The following ARHGAP15 variants were observed in gnomAD, a reference collection of about 807,000 sequenced individuals.
ARHGAP15 encodes rho GTPase-activating protein 15.
Under a neutral mutation model 63.7 loss-of-function variants are expected in ARHGAP15, and 51 were observed. That is an observed-to-expected ratio of 0.80 (90% CI 0.64 to 1.01). The LOEUF (loss-of-function observed/expected upper bound fraction) is 1.01, where lower values mean the gene tolerates loss of function less well. ARHGAP15 is among the 50% of genes least tolerant of loss of function. ARHGAP15 has a pLI of 0.00. For synonymous variants in ARHGAP15, 191 were observed against 193.8 expected (o/e 0.99, Z 0.12); for missense variants, 560 against 564.6 (o/e 0.99, Z 0.08).
chr2:143,408,308 TC>T (rs1214248770), intron 6 of ARHGAP15, among the ~76,000 whole-genome samples: 2 of 150,522 alleles, frequency 1.3e-5, no homozygotes, highest in Non-Finnish European at 3.0e-5. Context: ...TCTATAAAAA[TC>T]TATAAAATTT....
At chr2:143,315,392 A>G (rs1011051506) in intron 6 of ARHGAP15, among the ~76,000 whole-genome samples, 1 of 152,186 alleles carries the variant, frequency 6.6e-6, no homozygotes, top group Non-Finnish European at 1.5e-5. Context: ...TTAATTTGTC[A>G]TCTTAGAATC....
At chr2:143,160,819 A>G (rs141454338) in intron 2 of ARHGAP15, among the ~76,000 whole-genome samples, 130 of 152,022 alleles carry the variant, frequency 8.6e-4, no homozygotes, top group Middle Eastern at 3.4e-3. Context: ...TCTATTTACC[A>G]AGCACAAATT....
At chr2:143,552,130 A>G (rs967793885) in intron 10 of ARHGAP15, among the ~76,000 whole-genome samples, 2 of 152,246 alleles carry the variant, frequency 1.3e-5, no homozygotes, top group Non-Finnish European at 2.9e-5. Flanking sequence ...CCTAGGAATT[A>G]GGAAGTGCCA....
chr2:143,727,824 T>C (rs1282549145), intron 13 of ARHGAP15, among the ~76,000 whole-genome samples: 3 of 152,220 alleles, frequency 2.0e-5, no homozygotes, highest in Non-Finnish European at 2.9e-5. Flanking sequence ...TTCAAATGCC[T>C]ATGGAGCCTA....
chr2:143,363,906 A>C (rs771738696), intron 6 of ARHGAP15, among the ~76,000 whole-genome samples: 7 of 152,210 alleles, frequency 4.6e-5, no homozygotes, highest in African/African-American at 1.4e-4. Flanking sequence ...TAGCAATTGC[A>C]TGGGAAATCA....
At position 143,355,531 on chromosome 2, in the gene ARHGAP15, T is replaced by C. The variant is rs759154258; in HGVS notation, c.475-80070T>C. Reference sequence around the variant, plus strand: ...CAAATCACTACAGCTAGTAATCTTGTCCATGATATTACCAATCAGTTAATT... The same window carrying C: ...CAAATCACTACAGCTAGTAATCTTGCCCATGATATTACCAATCAGTTAATT... On this transcript the variant is annotated intron_variant, in intron 6 of 13. Coordinates refer to ENST00000295095, the MANE Select transcript of ARHGAP15 (RefSeq NM_018460.4). Among the ~76,000 whole-genome samples the C allele has an allele frequency of 2.6e-5, 4 of 152,340 alleles. No individual in the cohort carries two copies. The East Asian group carries it at 7.7e-4, about 29-fold the overall frequency.
chr2:143,648,803 AAG>A (rs1316147995), intron 12 of ARHGAP15: 1 of 151,980 alleles, frequency 6.6e-6, no homozygotes, highest in African/African-American at 2.4e-5. Flanking sequence ...AGTTTTTCCA[AAG>A]AAAATCCTTT....
At chr2:143,381,102 A>T (rs906303822) in intron 6 of ARHGAP15, among the ~76,000 whole-genome samples, 5 of 152,206 alleles carry the variant, frequency 3.3e-5, no homozygotes, top group African/African-American at 1.2e-4. Flanking sequence ...AAACAAGACT[A>T]ATTGTATTAA....
At chr2:143,416,340 T>C (rs572406446) in intron 6 of ARHGAP15, among the ~76,000 whole-genome samples, 71 of 152,296 alleles carry the variant, frequency 4.7e-4, no homozygotes, top group African/African-American at 1.6e-3. Flanking sequence ...CATTTATTCT[T>C]TCAATAAATA....
chr2:143,671,571 G>A (rs925525896), intron 12 of ARHGAP15, among the ~76,000 whole-genome samples: 1 of 151,990 alleles, frequency 6.6e-6, no homozygotes, highest in African/African-American at 2.4e-5. Flanking sequence ...ACACTTATAG[G>A]TGTCCAATTA....
intron 12 of ARHGAP15, among the ~76,000 whole-genome samples, chr2:143,685,889 A>AATGAT (rs1394947285): frequency 1.3e-5 from 2 of 152,178 alleles, no homozygotes; most frequent in African/African-American, 4.8e-5. Flanking sequence ...GTCCTATTCA[A>AATGAT]ATGATATAAT....
chr2:143,379,485 ATATGTGTGTG>A (rs1431697186), intron 6 of ARHGAP15, among the ~76,000 whole-genome samples: 1,434 of 90,180 alleles, frequency 0.016, 25 homozygotes, highest in South Asian at 0.11. Flanking sequence ...TTAGGCATAT[ATATGTGTGTG>A]TGTGTGTGTG....
intron 12 of ARHGAP15, among the ~76,000 whole-genome samples, chr2:143,636,868 T>C (rs1245808769): frequency 6.6e-6 from 1 of 152,022 alleles, no homozygotes; most frequent in African/African-American, 2.4e-5. Flanking sequence ...TAATGGAAAT[T>C]TATTTCTCAC....
At chr2:143,514,814 T>C (rs1693739855) in intron 9 of ARHGAP15, among the ~76,000 whole-genome samples, 1 of 152,076 alleles carries the variant, frequency 6.6e-6, no homozygotes, top group African/African-American at 2.4e-5. Context: ...GGGCAGCAGC[T>C]CCCCAGGGAA....
intron 12 of ARHGAP15, among the ~76,000 whole-genome samples, chr2:143,671,089 C>T (rs1330640873): frequency 6.6e-6 from 1 of 152,138 alleles, no homozygotes. Context: ...AGCTAAATAA[C>T]ATAGTCTATG....
intron 2 of ARHGAP15, among the ~76,000 whole-genome samples, chr2:143,168,001 G>A (rs189692874): frequency 7.9e-5 from 12 of 152,198 alleles, no homozygotes; most frequent in Admixed American, 2.6e-4. Context: ...AATAACAACT[G>A]TTGGTCATAA....
chr2:143,248,436 A>G (rs942743054), intron 5 of ARHGAP15, among the ~76,000 whole-genome samples: 6 of 152,202 alleles, frequency 3.9e-5, no homozygotes, highest in African/African-American at 1.4e-4. Flanking sequence ...TGTTTTTAGC[A>G]TATGATCACA....
At chr2:143,362,565 G>A (rs909391850) in intron 6 of ARHGAP15, among the ~76,000 whole-genome samples, 1 of 152,148 alleles carries the variant, frequency 6.6e-6, no homozygotes, top group Admixed American at 6.5e-5. Flanking sequence ...CTTGACCATA[G>A]ATCTTCAGAC....
At chr2:143,470,096 A>G (rs1031915666) in intron 8 of ARHGAP15, among the ~76,000 whole-genome samples, 1 of 152,128 alleles carries the variant, frequency 6.6e-6, no homozygotes, top group African/African-American at 2.4e-5. Flanking sequence ...TCACCTTGCC[A>G]ATGATAAAGA....
Sources: allele counts gnomAD v4.1 joint callset (sites outside exome capture counted in the v4.1 genomes callset), GRCh38; gene constraint gnomAD v4.1.1; transcripts MANE v1.5; gene names NCBI Gene and HGNC (gene_info 2026-07-23, HGNC 2026-07-21).